The following PRKG1 variants were observed in gnomAD, a reference collection of about 807,000 sequenced individuals.
PRKG1 encodes the protein cGMP-dependent protein kinase 1.
In PRKG1, 35 loss-of-function variants were observed where a neutral mutation model predicts 88.1. The observed-to-expected ratio is 0.40, with a 90% CI of 0.30 to 0.53. PRKG1 has a LOEUF of 0.53. Ranked by LOEUF, PRKG1 falls within the 20% of genes least tolerant of loss-of-function variation. PRKG1 has a pLI of 0.59. For missense variants in PRKG1, 540 were observed against 839.8 expected (o/e 0.64, Z 4.41); for synonymous variants, 303 against 292.5 (o/e 1.04, Z -0.37).
chr10:51,499,941 A>G (rs1840973818), intron 3 of PRKG1, among the ~76,000 whole-genome samples: 1 of 152,186 alleles, frequency 6.6e-6, no homozygotes, highest in Non-Finnish European at 1.5e-5. Context: ...CCCAGGTGAC[A>G]GAGTGAGAAC....
At chr10:52,134,822 C>T (rs7922368) in intron 8 of PRKG1, among the ~76,000 whole-genome samples, 50,594 of 151,932 alleles carry the variant, frequency 0.33, 8,770 homozygotes, top group African/African-American at 0.42. Flanking sequence ...GATTTACAAA[C>T]CTCACTTTGA....
At chr10:52,098,064 GA>G in intron 7 of PRKG1, among the ~76,000 whole-genome samples, 1 of 152,164 alleles carries the variant, frequency 6.6e-6, no homozygotes, top group Admixed American at 6.5e-5. Flanking sequence ...ATTTAGTTGA[GA>G]AAAAGTTCCA....
chr10:51,609,771 AG>A (rs1336131140), intron 3 of PRKG1, among the ~76,000 whole-genome samples: 1 of 152,160 alleles, frequency 6.6e-6, no homozygotes, highest in Non-Finnish European at 1.5e-5. Context: ...CTCACTTTTT[AG>A]TGGGAGCCTA....
intron 1 of PRKG1, among the ~76,000 whole-genome samples, chr10:51,135,380 G>C (rs946799686): frequency 2.7e-4 from 41 of 152,218 alleles, no homozygotes; most frequent in South Asian, 1.4e-3. Flanking sequence ...ATCCAAGAAG[G>C]AAAATGGGGC....
chr10:51,312,639 T>C (rs1276973465), intron 2 of PRKG1, among the ~76,000 whole-genome samples: 1 of 152,048 alleles, frequency 6.6e-6, no homozygotes, highest in African/African-American at 2.4e-5. Flanking sequence ...TACAGTGACA[T>C]AGAGAGATAA....
chr10:52,194,984 C>T (rs541155232), intron 9 of PRKG1, among the ~76,000 whole-genome samples: 4 of 152,128 alleles, frequency 2.6e-5, no homozygotes, highest in Non-Finnish European at 5.9e-5. Flanking sequence ...TCTTATCCAC[C>T]TCAAATTGAA....
At chr10:51,736,845 A>C (rs1156355168) in intron 3 of PRKG1, among the ~76,000 whole-genome samples, 1 of 151,184 alleles carries the variant, frequency 6.6e-6, no homozygotes, top group Non-Finnish European at 1.5e-5. Flanking sequence ...TATGTTGCTC[A>C]GGCTGGTCTT....
intron 3 of PRKG1, among the ~76,000 whole-genome samples, chr10:51,635,836 G>C (rs1156518314): frequency 6.6e-6 from 1 of 151,976 alleles, no homozygotes; most frequent in East Asian, 1.9e-4. Flanking sequence ...ATTTAGCTAA[G>C]CAATATTAAA....
chr10:51,699,633 G>C lies in PRKG1; in HGVS notation c.593-104952G>C, dbSNP rs560657418. On this transcript the variant is annotated intron_variant, in intron 3 of 17. Coordinates refer to ENST00000373980, the MANE Select transcript of PRKG1 (RefSeq NM_006258.4). ...CCGACACTTCCGCTGAGCAACGGAA[G>C]CGGCTTTCAAGATCCGGGCAGAAAC... 307 of 1,489,568 alleles carry C rather than the reference G, an allele frequency of 2.1e-4. 1 individual carries two copies. The South Asian group carries it at 3.8e-3, about 18-fold the overall frequency. 92.3% of individuals were successfully genotyped at this position (1,489,568 alleles called of 1,614,324 possible).
chr10:52,110,560 G>C (rs993584117), intron 7 of PRKG1, among the ~76,000 whole-genome samples: 1 of 152,078 alleles, frequency 6.6e-6, no homozygotes, highest in African/African-American at 2.4e-5. Flanking sequence ...TGCAGAGGCA[G>C]GGAGGGAAGA....
At chr10:51,314,391 A>G (rs1189874048) in intron 2 of PRKG1, among the ~76,000 whole-genome samples, 5 of 152,214 alleles carry the variant, frequency 3.3e-5, no homozygotes, top group Non-Finnish European at 7.3e-5. Flanking sequence ...ATTAAATGGG[A>G]TCATGCATGT....
At chr10:51,196,949 C>T (rs1441330922) in intron 2 of PRKG1, among the ~76,000 whole-genome samples, 3 of 152,120 alleles carry the variant, frequency 2.0e-5, no homozygotes, top group East Asian at 1.9e-4. Flanking sequence ...TATTTCCCTT[C>T]TCTTGCAAAG....
chr10:51,964,680 C>T (rs1226699255), intron 5 of PRKG1, among the ~76,000 whole-genome samples: 1 of 152,138 alleles, frequency 6.6e-6, no homozygotes, highest in East Asian at 1.9e-4. Context: ...TAGGTACACA[C>T]ACGCATAAAC....
chr10:51,602,625 G>A (rs2132228508), intron 3 of PRKG1, among the ~76,000 whole-genome samples: 1 of 151,618 alleles, frequency 6.6e-6, no homozygotes, highest in Middle Eastern at 3.4e-3. Context: ...ATGTTGCCCA[G>A]GCTGGTCTCA....
chr10:51,153,438 T>G lies in PRKG1; in HGVS notation c.478+108T>G, dbSNP rs924733315. The G allele has an allele frequency of 4.5e-6, 5 of 1,109,776 alleles. No homozygotes were observed. In the African/African-American group the frequency reaches 8.0e-5, roughly 18 times the overall value. 68.7% of individuals were successfully genotyped at this position (1,109,776 alleles called of 1,614,324 possible). ...ATGGAAAATTCCATTTTTCCTTCTT[T>G]TATTGAGAAATTAGTTTGAGAAGAG... On this transcript the variant is annotated intron_variant, in intron 2 of 17. Transcript: ENST00000373980.
intron 2 of PRKG1, among the ~76,000 whole-genome samples, chr10:51,227,166 G>T (rs937974369): frequency 6.7e-6 from 1 of 149,668 alleles, no homozygotes; most frequent in Non-Finnish European, 1.5e-5. Flanking sequence ...TTTATATATG[G>T]TACATATATT....
In PRKG1 at chr10:51,452,686, G is replaced by A. The variant is rs192000559; in HGVS notation, c.479-15037G>A. On this transcript the variant is annotated intron_variant, in intron 2 of 17. Coordinates refer to ENST00000373980, the MANE Select transcript of PRKG1 (RefSeq NM_006258.4). ...ATCTTTTTCATATGCTGTTGGATTC[G>A]GTTAGCTAGTATTTTGTAGAAAATT... 6.1e-4 allele frequency among the ~76,000 whole-genome samples: 93 copies of A among 151,934 alleles called. 1 individual carries two copies. The East Asian group carries it at 0.01, about 17-fold the overall frequency.
chr10:51,667,910 A>T lies in PRKG1; in HGVS notation c.593-136675A>T, dbSNP rs572675751. On this transcript the variant is annotated intron_variant, in intron 3 of 17. Coordinates refer to ENST00000373980, the MANE Select transcript of PRKG1 (RefSeq NM_006258.4). ...TACTGAGTTATGTGCAGAGACCTGA[A>T]GACAAAATCTGGCCCTGAAGTTGGT... is the stretch of plus-strand genomic sequence containing the variant. 6.6e-5 allele frequency among the ~76,000 whole-genome samples: 10 copies of T among 152,316 alleles called. No individual in the cohort carries two copies. The South Asian group carries it at 1.9e-3, about 28-fold the overall frequency.
chr10:51,307,963 TTATGTCTA>T (rs1396508167), intron 2 of PRKG1, among the ~76,000 whole-genome samples: 1 of 152,190 alleles, frequency 6.6e-6, no homozygotes, highest in African/African-American at 2.4e-5. Context: ...CAAATGTAGA[TTATGTCTA>T]TTGAGCTCCA....
Sources: allele counts gnomAD v4.1 joint callset (sites outside exome capture counted in the v4.1 genomes callset), GRCh38; gene constraint gnomAD v4.1.1; transcripts MANE v1.5; gene names NCBI Gene and HGNC (gene_info 2026-07-23, HGNC 2026-07-21).